Variants in ADGRL2 observed in about 807,000 individuals in gnomAD.
ADGRL2 encodes adhesion G protein-coupled receptor L2, also known as calcium-independent alpha-latrotoxin receptor 2.
Under a neutral mutation model 157.4 loss-of-function variants are expected in ADGRL2, and 44 were observed. The observed-to-expected ratio is 0.28, with a 90% CI of 0.22 to 0.36. The LOEUF is 0.36. ADGRL2 is among the 10% of genes least tolerant of loss of function. The pLI is 1.00. For synonymous variants in ADGRL2, 585 were observed against 624.7 expected, an observed-to-expected ratio of 0.94 and a Z score of 0.95; for missense variants, 1,510 against 1,768.9, an observed-to-expected ratio of 0.85 and a Z score of 2.63.
At chr1:81,734,348 A>G (rs2149193167) in intron 1 of ADGRL2, among the ~76,000 whole-genome samples, 1 of 151,528 alleles carries the variant, frequency 6.6e-6, no homozygotes, top group East Asian at 1.9e-4. Context: ...GAAAAGAAAG[A>G]AAACATGGAG....
chr1:81,407,529 GT>G (rs1423765744), intron 1 of ADGRL2, among the ~76,000 whole-genome samples: 5 of 152,208 alleles, frequency 3.3e-5, no homozygotes, highest in African/African-American at 9.6e-5. Context: ...GATAACAGCT[GT>G]TTTTATTCTG....
At position 81,801,432 on chromosome 1, in the gene ADGRL2, G is replaced by GCTCCCTCTCA. The variant is rs1315130437; in HGVS notation, c.-101+368_-101+377dup. On this transcript the variant is annotated intron_variant, in intron 1 of 23. Coordinates refer to ENST00000686636, the MANE Select transcript of ADGRL2 (RefSeq NM_001366006.2). ...CCCCGTCTCTCTCTCTCTCCCTCTC[G>GCTCCCTCTCA]CTCCCTCTCACTCTCTCTCCGCTCA... Among the ~76,000 whole-genome samples, 2 of 152,102 alleles carry GCTCCCTCTCA rather than the reference G, an allele frequency of 1.3e-5. 1 individual carries two copies. The highest frequency in any genetic ancestry group is 2.9e-5 in the Non-Finnish European group (2 of 68,010).
intron 2 of ADGRL2, among the ~76,000 whole-genome samples, chr1:81,536,837 T>C (rs1313291843): frequency 6.6e-6 from 1 of 152,216 alleles, no homozygotes; most frequent in Non-Finnish European, 1.5e-5. Context: ...GAAATTCATG[T>C]AGCTAAGTGT....
intron 2 of ADGRL2, among the ~76,000 whole-genome samples, chr1:81,450,777 T>C (rs1481930757): frequency 6.6e-6 from 1 of 152,090 alleles, no homozygotes; most frequent in Non-Finnish European, 1.5e-5. Context: ...GCAAGTGAAT[T>C]ATGAAAAGCA....
intron 1 of ADGRL2, among the ~76,000 whole-genome samples, chr1:81,716,462 A>G (rs2149101730): frequency 6.6e-6 from 1 of 152,306 alleles, no homozygotes; most frequent in Non-Finnish European, 1.5e-5. Flanking sequence ...TGTTGTCATT[A>G]AAAATATAAT....
intron 1 of ADGRL2, among the ~76,000 whole-genome samples, chr1:81,358,370 C>T (rs1453108431): frequency 7.2e-5 from 11 of 152,098 alleles, no homozygotes; most frequent in African/African-American, 2.7e-4. Flanking sequence ...GTTGAAGATG[C>T]CATTGTATGC....
intron 2 of ADGRL2, among the ~76,000 whole-genome samples, chr1:81,522,629 C>T (rs1323707678): frequency 6.6e-6 from 1 of 152,118 alleles, no homozygotes; most frequent in Non-Finnish European, 1.5e-5. Context: ...TATACTTTTT[C>T]TGTCTTTAAT....
At chr1:81,930,462 T>C (rs2095205882) in intron 3 of ADGRL2, among the ~76,000 whole-genome samples, 1 of 152,210 alleles carries the variant, frequency 6.6e-6, no homozygotes, top group Admixed American at 6.5e-5. Context: ...TAAAAGTTAA[T>C]ATTGAGACCT....
At chr1:81,711,828 A>G (rs1005947611) in intron 1 of ADGRL2, among the ~76,000 whole-genome samples, 1 of 152,238 alleles carries the variant, frequency 6.6e-6, no homozygotes. Flanking sequence ...GGGACCCCAG[A>G]GGATCTGCTG....
chr1:81,942,717 C>A, intron 5 of ADGRL2: 1 of 498,866 alleles, frequency 2.0e-6, no homozygotes, highest in Non-Finnish European at 3.7e-6. Context: ...AATTGTCAGA[C>A]CACTTATAAA....
chr1:81,398,770 C>T (rs10874235), intron 1 of ADGRL2, among the ~76,000 whole-genome samples: 104,258 of 151,878 alleles, frequency 0.69, 36,165 homozygotes, highest in East Asian at 0.94. Context: ...AGTCTGCTGA[C>T]AGTCTAATGG....
chr1:81,967,599 T>C (rs1233722110), intron 13 of ADGRL2, among the ~76,000 whole-genome samples: 1 of 152,158 alleles, frequency 6.6e-6, no homozygotes, highest in Non-Finnish European at 1.5e-5. Context: ...GTACTAACAA[T>C]ATGATTTACA....
At chr1:81,710,916 C>T (rs2083906634) in intron 1 of ADGRL2, among the ~76,000 whole-genome samples, 1 of 151,984 alleles carries the variant, frequency 6.6e-6, no homozygotes, top group Non-Finnish European at 1.5e-5. Flanking sequence ...TAAAAATCTG[C>T]TGCATTAAAA....
chr1:81,718,526 G>A (rs891447870), intron 1 of ADGRL2, among the ~76,000 whole-genome samples: 2 of 152,006 alleles, frequency 1.3e-5, no homozygotes, highest in African/African-American at 4.8e-5. Flanking sequence ...GTGACCACAT[G>A]TCAAAAATGT....
At chr1:81,420,973 G>A (rs1371735591) in intron 1 of ADGRL2, among the ~76,000 whole-genome samples, 2 of 152,148 alleles carry the variant, frequency 1.3e-5, no homozygotes, top group African/African-American at 4.8e-5. Context: ...TAACCATCAT[G>A]CAGTGAAACC....
At chr1:81,927,063 A>G (rs1234135176) in intron 3 of ADGRL2, among the ~76,000 whole-genome samples, 1 of 152,086 alleles carries the variant, frequency 6.6e-6, no homozygotes, top group Non-Finnish European at 1.5e-5. Flanking sequence ...ACTAAATATT[A>G]AAGTATGCAT....
At chr1:81,641,821 A>G (rs989213652) in intron 3 of ADGRL2, among the ~76,000 whole-genome samples, 16 of 152,176 alleles carry the variant, frequency 1.1e-4, no homozygotes, top group African/African-American at 3.6e-4. Context: ...GAAATGAAAT[A>G]ATAAGCATTA....
At chr1:81,694,449 T>TA (rs1049899202) in intron 3 of ADGRL2, among the ~76,000 whole-genome samples, 1 of 151,866 alleles carries the variant, frequency 6.6e-6, no homozygotes, top group African/African-American at 2.4e-5. Context: ...TACATAGTAA[T>TA]AAAAAAATTA....
intron 16 of ADGRL2, 48 bp from the exon 17 acceptor site, chr1:81,971,804 G>C (rs1297005184): frequency 1.0e-6 from 1 of 966,626 alleles, no homozygotes; most frequent in South Asian, 1.4e-5. Flanking sequence ...TTGTGATGTT[G>C]AGGTTCCATA....
Sources: allele counts gnomAD v4.1 joint callset (sites outside exome capture counted in the v4.1 genomes callset), GRCh38; gene constraint gnomAD v4.1.1; transcripts MANE v1.5; gene names NCBI Gene and HGNC (gene_info 2026-07-23, HGNC 2026-07-21).